MACC1: variants seen among roughly 807,000 people sequenced by gnomAD.
The protein encoded by MACC1 is MET transcriptional regulator MACC1.
In MACC1, 79 loss-of-function variants were observed where a neutral mutation model predicts 70.7. That is an observed-to-expected ratio of 1.12 (90% CI 0.93 to 1.35). The LOEUF (loss-of-function observed/expected upper bound fraction) is 1.35, where lower values mean the gene tolerates loss of function less well. Ranked by LOEUF, MACC1 falls within the 40% of genes most tolerant of loss-of-function variation. The pLI is 0.00. For missense variants in MACC1, 1,106 were observed against 978.1 expected, an observed-to-expected ratio of 1.13 and a Z score of -1.74; for synonymous variants, 361 against 347.2, an observed-to-expected ratio of 1.04 and a Z score of -0.44.
intron 6 of MACC1, among the ~76,000 whole-genome samples, chr7:20,145,459 G>C (rs1295943035): frequency 6.6e-6 from 1 of 152,062 alleles, no homozygotes; most frequent in Non-Finnish European, 1.5e-5. Flanking sequence ...GTAGAAAATA[G>C]AGGTATTTTT....
At position 20,138,192 on chromosome 7, in the gene MACC1, G is replaced by A. The variant is rs1414217033; in HGVS notation, c.*2754C>T. The A allele has an allele frequency of 6.8e-6, 1 of 147,086 alleles. No individual in the cohort carries two copies. The allele number at this position is 147,086 out of a possible 1,614,324, so 9.1% of individuals were successfully genotyped here. A position where few individuals can be genotyped will look rare whatever the true frequency, so the allele number is the denominator to read the frequency against. On this transcript the variant is annotated 3_prime_UTR_variant, in exon 7 of 7. Coordinates refer to ENST00000400331, the MANE Select transcript of MACC1 (RefSeq NM_182762.4). ...AAAAAAAAAAAAAAAATTTCCCCTG[G>A]AAGGATTTGTTACAAGATTATAAAA...
intron 6 of MACC1, among the ~76,000 whole-genome samples, chr7:20,146,436 G>A (rs973329793): frequency 5.9e-5 from 9 of 152,080 alleles, no homozygotes; most frequent in African/African-American, 1.4e-4. Flanking sequence ...TATGAAATTT[G>A]CCCTAAAATA....
At chr7:20,168,789 T>C (rs191440287) in intron 2 of MACC1, among the ~76,000 whole-genome samples, 1 of 152,226 alleles carries the variant, frequency 6.6e-6, no homozygotes, top group African/African-American at 2.4e-5. Flanking sequence ...CCCACTATGC[T>C]TGGTTCCTCT....
chr7:20,177,115 C>A (rs902750621), intron 1 of MACC1, among the ~76,000 whole-genome samples: 3 of 151,884 alleles, frequency 2.0e-5, no homozygotes, highest in African/African-American at 7.3e-5. Context: ...TAAGATGGTC[C>A]CTTTAGGGGA....
In MACC1 at chr7:20,154,357, C is replaced by T. The variant is rs745581859; in HGVS notation, c.2182G>A (p.Glu728Lys). 1.2e-6 allele frequency: 2 copies of T among 1,613,576 alleles called. No homozygotes were observed. The highest frequency in any genetic ancestry group is 1.7e-6 in the Non-Finnish European group (2 of 1,179,714). Residue 728 changes from glutamate to lysine, a missense_variant, in exon 6 of 7, where the codon GAG (glutamate) becomes AAG (lysine). Transcript: ENST00000400331. ...IVALLKMDCQELVARLIQEAA... is the reference protein window; with the variant it reads ...IVALLKMDCQKLVARLIQEAA... ...TCTTGGATGAGACGTGCGACTAACT[C>T]TTGGCAATCCATTTTCAGAAGAGCC...
intron 1 of MACC1, among the ~76,000 whole-genome samples, chr7:20,201,373 C>T: frequency 6.6e-6 from 1 of 152,050 alleles, no homozygotes; most frequent in South Asian, 2.1e-4. Context: ...GGAAAATGAT[C>T]CACAATGGTG....
chr7:20,209,713 T>C (rs1409021138), intron 1 of MACC1, among the ~76,000 whole-genome samples: 1 of 152,194 alleles, frequency 6.6e-6, no homozygotes, highest in African/African-American at 2.4e-5. Flanking sequence ...TGATTGTGTT[T>C]TGAAATGTGA....
rs1461615423 is a variant in MACC1, at chr7:20,141,161, A to G, written c.2347-3T>C. On this transcript the variant is annotated splice_region_variant and splice_polypyrimidine_tract_variant and intron_variant, in intron 6 of 6. Coordinates refer to ENST00000400331, the MANE Select transcript of MACC1 (RefSeq NM_182762.4). Reference sequence around the variant, plus strand: ...TCATAGGCAGGTTTCCACATCATCTATAAAGAAAAAAAATAGATTGGAGTA... The same window carrying G: ...TCATAGGCAGGTTTCCACATCATCTGTAAAGAAAAAAAATAGATTGGAGTA... 7 of 1,572,734 alleles carry G rather than the reference A, an allele frequency of 4.5e-6. No homozygotes were observed. The South Asian group carries it at 7.1e-5, about 16-fold the overall frequency.
In MACC1 at chr7:20,196,469, T is replaced by C. The variant is rs202160555; in HGVS notation, c.-218+20830A>G. Among the ~76,000 whole-genome samples, 39 of 152,266 alleles carry C rather than the reference T, an allele frequency of 2.6e-4. No individual in the cohort carries two copies. In the East Asian group the frequency reaches 6.6e-3, roughly 26 times the overall value. ...TGCTGGGATTACAGGCGTGAGTCAC[T>C]GCGCCCAGCCAACTTTCAGTTTTAT... On this transcript the variant is annotated intron_variant, in intron 1 of 6. Transcript: ENST00000400331.
Position 20,158,300 on chromosome 7 carries a change from G to C in MACC1, c.2061C>G (p.Asp687Glu). The C allele has an allele frequency of 3.1e-6, 5 of 1,613,238 alleles. No homozygotes were observed. The South Asian group carries it at 4.4e-5, about 14-fold the overall frequency. ...CATAAGAAACTTTCTCTGATTCTTT[G>C]TCTGCTTGAATTTGATCAAAATCTT... ...SLEDFDQIQA[D>E]KESEKVSYVI... Residue 687 changes from aspartate to glutamate, a missense_variant, in exon 5 of 7, where the codon GAC (aspartate) becomes GAG (glutamate). By Grantham distance (45) the Asp-to-Glu change is conservative. Transcript: ENST00000400331.
intron 1 of MACC1, among the ~76,000 whole-genome samples, chr7:20,195,248 C>G (rs1782731669): frequency 6.6e-6 from 1 of 152,106 alleles, no homozygotes; most frequent in Admixed American, 6.5e-5. Context: ...ACCCGCCGTA[C>G]CTTGCTATTA....
intron 1 of MACC1, among the ~76,000 whole-genome samples, chr7:20,204,361 A>G (rs1782879247): frequency 6.6e-6 from 1 of 152,094 alleles, no homozygotes; most frequent in Non-Finnish European, 1.5e-5. Flanking sequence ...TCACCGTGTT[A>G]GCCAGGATGG....
intron 2 of MACC1, among the ~76,000 whole-genome samples, chr7:20,168,426 A>C (rs1456273310): frequency 6.6e-6 from 1 of 152,212 alleles, no homozygotes; most frequent in Non-Finnish European, 1.5e-5. Flanking sequence ...CACTTTCTGA[A>C]AGTGACCAAA....
chr7:20,165,187 G>C (rs1782195330), intron 2 of MACC1, among the ~76,000 whole-genome samples: 1 of 152,160 alleles, frequency 6.6e-6, no homozygotes, highest in Admixed American at 6.5e-5. Context: ...CCAAAACTCA[G>C]TGGCACCAGG....
At chr7:20,151,611 A>T (rs968772719) in intron 6 of MACC1, among the ~76,000 whole-genome samples, 1 of 152,232 alleles carries the variant, frequency 6.6e-6, no homozygotes, top group East Asian at 1.9e-4. Context: ...TGACATTCTC[A>T]AAAGTTTCCA....
intron 1 of MACC1, among the ~76,000 whole-genome samples, chr7:20,176,529 T>C (rs1195878341): frequency 6.6e-6 from 1 of 152,176 alleles, no homozygotes; most frequent in East Asian, 1.9e-4. Flanking sequence ...CAATGTCTTT[T>C]AAAAATTCAA....
intron 1 of MACC1, among the ~76,000 whole-genome samples, chr7:20,211,293 G>A (rs1782992602): frequency 6.6e-6 from 1 of 151,954 alleles, no homozygotes; most frequent in South Asian, 2.1e-4. Context: ...TATAATTAAT[G>A]TGTTTGGCAT....
intron 4 of MACC1, among the ~76,000 whole-genome samples, chr7:20,161,079 C>T (rs912103860): frequency 6.6e-6 from 1 of 151,998 alleles, no homozygotes; most frequent in African/African-American, 2.4e-5. Flanking sequence ...TATCTCACAA[C>T]ATTGAAGCCA....
intron 1 of MACC1, among the ~76,000 whole-genome samples, chr7:20,190,258 A>G (rs930502771): frequency 1.1e-4 from 17 of 152,340 alleles, no homozygotes; most frequent in African/African-American, 3.6e-4. Context: ...GATAGTCACT[A>G]ATGCCGTTTC....
Sources: gnomAD v4.1 joint callset for allele counts (sites outside exome capture counted in the v4.1 genomes callset) on GRCh38, gnomAD v4.1.1 for gene constraint, MANE v1.5 for transcripts, NCBI Gene and HGNC (gene_info 2026-07-23, HGNC 2026-07-21) for gene names.